The following MYO1E variants were observed in gnomAD, a reference collection of about 807,000 sequenced individuals.
MYO1E encodes myosin IE, also known as unconventional myosin-Ie.
In MYO1E, 68 loss-of-function variants were observed where a neutral mutation model predicts 151.1. That is an observed-to-expected ratio of 0.45 (90% CI 0.37 to 0.55). MYO1E has a LOEUF of 0.55. Among genes scored for constraint, MYO1E ranks in the 20% least tolerant of loss-of-function variants. The pLI is 0.00. For missense variants in MYO1E, 1,363 were observed against 1,389.3 expected, an observed-to-expected ratio of 0.98 and a Z score of 0.30; for synonymous variants, 601 against 501.7, an observed-to-expected ratio of 1.20 and a Z score of -2.64.
At position 59,169,786 on chromosome 15, in the gene MYO1E, G is replaced by C. The variant is rs566027357; in HGVS notation, c.2480+2111C>G. On this transcript the variant is annotated intron_variant, in intron 22 of 27. Coordinates refer to ENST00000288235, the MANE Select transcript of MYO1E (RefSeq NM_004998.4). Reference sequence around the variant, plus strand: ...CAATAAAAGGAAGAAATTTGAGTGTGAACAGTCCCTACAGTCCCTGCTTGA... The same window carrying C: ...CAATAAAAGGAAGAAATTTGAGTGTCAACAGTCCCTACAGTCCCTGCTTGA... Among the ~76,000 whole-genome samples, 12 of 152,172 alleles carry C rather than the reference G, an allele frequency of 7.9e-5. No homozygotes were observed. The South Asian group carries it at 1.9e-3, about 24-fold the overall frequency.
At chr15:59,227,017 G>A (rs1356651252) in intron 7 of MYO1E, among the ~76,000 whole-genome samples, 4 of 152,188 alleles carry the variant, frequency 2.6e-5, no homozygotes, top group Non-Finnish European at 4.4e-5. Context: ...CGCCTGCCCT[G>A]CAGGCAGGCT....
intron 10 of MYO1E, 83 bp downstream of exon 10, chr15:59,217,808 G>C (rs1357240703): frequency 8.0e-6 from 12 of 1,491,940 alleles, no homozygotes; most frequent in Non-Finnish European, 1.0e-5. Context: ...GATTACAGGT[G>C]TGAGCCACCG....
intron 1 of MYO1E, among the ~76,000 whole-genome samples, chr15:59,316,603 A>G (rs375361492): frequency 8.5e-5 from 13 of 152,306 alleles, no homozygotes; most frequent in African/African-American, 3.1e-4. Flanking sequence ...TCTTTCCTAC[A>G]TTATTTATTT....
chr15:59,233,383 C>G (rs894294871), intron 5 of MYO1E, among the ~76,000 whole-genome samples: 1 of 151,992 alleles, frequency 6.6e-6, no homozygotes, highest in Non-Finnish European at 1.5e-5. Flanking sequence ...AGTAGCCCAT[C>G]GGCCGGGCGC....
intron 1 of MYO1E, among the ~76,000 whole-genome samples, chr15:59,326,501 G>A (rs993660540): frequency 6.6e-6 from 1 of 152,166 alleles, no homozygotes; most frequent in Non-Finnish European, 1.5e-5. Context: ...CCAGCCTGGC[G>A]ACAGAGCAAG....
chr15:59,151,010 GACACACACACAC>G (rs60541381), intron 26 of MYO1E, among the ~76,000 whole-genome samples: 70 of 141,176 alleles, frequency 5.0e-4, no homozygotes, highest in East Asian at 8.5e-4. Context: ...AGAGGAGAGG[GACACACACACAC>G]ACACACACAC....
chr15:59,296,584 G>A (rs559862508), intron 1 of MYO1E, among the ~76,000 whole-genome samples: 2 of 152,280 alleles, frequency 1.3e-5, no homozygotes, highest in South Asian at 2.1e-4. Flanking sequence ...GTGCTGGTAG[G>A]TGTCTCTCTG....
At chr15:59,356,922 TGA>T (rs1327928918) in intron 1 of MYO1E, among the ~76,000 whole-genome samples, 1 of 130,206 alleles carries the variant, frequency 7.7e-6, no homozygotes, top group Non-Finnish European at 1.6e-5. Flanking sequence ...TTTTTTTTTT[TGA>T]GATGGAGTTT....
intron 1 of MYO1E, among the ~76,000 whole-genome samples, chr15:59,288,752 C>T (rs4775147): frequency 0.53 from 80,607 of 151,972 alleles, 22,178 homozygotes; most frequent in Middle Eastern, 0.68. Flanking sequence ...TGATGTATAA[C>T]TGGACACTAT....
intron 4 of MYO1E, among the ~76,000 whole-genome samples, chr15:59,254,115 A>C (rs2080181024): frequency 6.6e-6 from 1 of 152,176 alleles, no homozygotes. Flanking sequence ...CTTCCTGTTT[A>C]AGGTGTGATA....
intron 5 of MYO1E, among the ~76,000 whole-genome samples, chr15:59,232,700 A>C (rs2080035662): frequency 6.6e-6 from 1 of 152,244 alleles, no homozygotes; most frequent in Non-Finnish European, 1.5e-5. Context: ...ATTCCAAGCC[A>C]AGGGCTCTGT....
chr15:59,317,158 T>G (rs2080594331), intron 1 of MYO1E, among the ~76,000 whole-genome samples: 1 of 152,198 alleles, frequency 6.6e-6, no homozygotes, highest in South Asian at 2.1e-4. Flanking sequence ...GAATGCCAAT[T>G]AATGGTCCAG....
At chr15:59,161,348 A>G (rs1203823919) in intron 23 of MYO1E, 118 bp from the exon 24 acceptor site, 3 of 1,157,238 alleles carry the variant, frequency 2.6e-6, no homozygotes, top group South Asian at 1.5e-5. Context: ...AGAACGGACA[A>G]TCTACACCAG....
intron 1 of MYO1E, among the ~76,000 whole-genome samples, chr15:59,274,958 G>T (rs2080309407): frequency 6.6e-6 from 1 of 152,194 alleles, no homozygotes; most frequent in African/African-American, 2.4e-5. Flanking sequence ...CAAGGTGACA[G>T]TGGTTACAAT....
chr15:59,311,192 T>C (rs1415083120), intron 1 of MYO1E, among the ~76,000 whole-genome samples: 1 of 152,088 alleles, frequency 6.6e-6, no homozygotes, highest in Non-Finnish European at 1.5e-5. Context: ...TCCAACGTTT[T>C]TGACACCAGG....
rs2079977399 is a variant in MYO1E at position 59,224,637 on chromosome 15, G to C, written c.777+52C>G. On this transcript the variant is annotated intron_variant, in intron 8 of 27. Transcript: ENST00000288235. Reference sequence around the variant, plus strand: ...ACCTTCACTGCCCTTTTGGCCACAGGAAATGGCCAGTTGGGAGAGCAGATC... The same window carrying C: ...ACCTTCACTGCCCTTTTGGCCACAGCAAATGGCCAGTTGGGAGAGCAGATC... 5 of 1,612,442 alleles carry C rather than the reference G, an allele frequency of 3.1e-6. No homozygotes were observed. The East Asian group carries it at 1.1e-4, about 36-fold the overall frequency.
intron 2 of MYO1E, among the ~76,000 whole-genome samples, chr15:59,262,254 C>T (rs1167252361): frequency 2.0e-5 from 3 of 151,508 alleles, no homozygotes; most frequent in Non-Finnish European, 2.9e-5. Context: ...TTAACAAATA[C>T]AGGGATACAA....
At chr15:59,171,827 T>C in intron 22 of MYO1E, 70 bp downstream of exon 22, 1 of 1,604,408 alleles carries the variant, frequency 6.2e-7, no homozygotes, top group East Asian at 2.2e-5. Context: ...TCCTCCTGGC[T>C]GTTTGGAACA....
chr15:59,146,472 C>T (rs930443532), intron 26 of MYO1E, among the ~76,000 whole-genome samples: 2 of 151,922 alleles, frequency 1.3e-5, no homozygotes, highest in Non-Finnish European at 2.9e-5. Flanking sequence ...CCTGCCACCA[C>T]GCCCGACTAA....
Sources: allele counts gnomAD v4.1 joint callset (sites outside exome capture counted in the v4.1 genomes callset), GRCh38; gene constraint gnomAD v4.1.1; transcripts MANE v1.5; gene names NCBI Gene and HGNC (gene_info 2026-07-23, HGNC 2026-07-21).